The following CREB1 variants were observed in gnomAD, a reference collection of about 807,000 sequenced individuals.
CREB1 encodes cyclic AMP-responsive element-binding protein 1.
CREB1 carries 2 observed loss-of-function variants against 42.0 expected under a neutral mutation model. That is an observed-to-expected ratio of 0.05 (90% CI 0.02 to 0.15). The LOEUF (loss-of-function observed/expected upper bound fraction) is 0.15. Among genes scored for constraint, CREB1 ranks in the 10% least tolerant of loss-of-function variants. The pLI, the probability that CREB1 is intolerant of heterozygous loss-of-function variation, is 1.00. For synonymous variants in CREB1, 123 were observed against 139.9 expected (o/e 0.88, Z 0.85); for missense variants, 199 against 388.9 (o/e 0.51, Z 4.11).
chr2:207,548,270 G>T (rs2081372041), intron 1 of CREB1, among the ~76,000 whole-genome samples: 2 of 152,028 alleles, frequency 1.3e-5, no homozygotes, highest in South Asian at 4.2e-4. Flanking sequence ...CTTCCTTCAA[G>T]AACAATATCT....
At chr2:207,534,160 A>G (rs1228205569) in intron 1 of CREB1, among the ~76,000 whole-genome samples, 2 of 152,228 alleles carry the variant, frequency 1.3e-5, no homozygotes, top group Non-Finnish European at 2.9e-5. Context: ...GTGGGGGTTA[A>G]CTATAAAGTA....
chr2:207,552,711 T>C (rs1162256123), intron 1 of CREB1, among the ~76,000 whole-genome samples: 4 of 150,970 alleles, frequency 2.6e-5, no homozygotes, highest in Admixed American at 1.3e-4. Flanking sequence ...GTTCAAGCAA[T>C]TCTCCTGCCT....
intron 1 of CREB1, among the ~76,000 whole-genome samples, chr2:207,534,364 G>A (rs1025005998): frequency 2.6e-5 from 4 of 152,140 alleles, no homozygotes; most frequent in Non-Finnish European, 4.4e-5. Flanking sequence ...AGCCTCCCTA[G>A]TAGCTGGAAC....
intron 1 of CREB1, among the ~76,000 whole-genome samples, chr2:207,538,224 A>G (rs767797333): frequency 3.3e-5 from 5 of 151,822 alleles, no homozygotes; most frequent in Non-Finnish European, 2.9e-5. Flanking sequence ...GCTACCAGAA[A>G]GATGTTAGCT....
intron 3 of CREB1, among the ~76,000 whole-genome samples, chr2:207,564,031 A>T (rs1355503154): frequency 2.0e-5 from 3 of 152,164 alleles, no homozygotes; most frequent in Non-Finnish European, 4.4e-5. Context: ...TCTTTAAGAA[A>T]TATATAAATT....
chr2:207,540,725 T>C (rs571243091), intron 1 of CREB1, among the ~76,000 whole-genome samples: 62 of 150,630 alleles, frequency 4.1e-4, no homozygotes, highest in African/African-American at 1.4e-3. Flanking sequence ...CTTTTATTGC[T>C]TTACTTTATT....
chr2:207,546,257 G>C (rs572777247), intron 1 of CREB1, among the ~76,000 whole-genome samples: 61 of 152,204 alleles, frequency 4.0e-4, no homozygotes, highest in Non-Finnish European at 6.5e-4. Flanking sequence ...GGATGGACTT[G>C]ATGTTGATTC....
chr2:207,542,298 TATC>T (rs2081128346), intron 1 of CREB1, among the ~76,000 whole-genome samples: 2 of 152,334 alleles, frequency 1.3e-5, no homozygotes, highest in South Asian at 2.1e-4. Context: ...TAACACTTGT[TATC>T]ATCTGTTTTT....
In CREB1 at chr2:207,573,802, A is replaced by G. The variant is rs138781557; in HGVS notation, c.506-1470A>G. ...AAACTACAACCCAGTCTTGTCATAT[A>G]TGGTTTACTATTTCTTTCTTCTTCC... On this transcript the variant is annotated intron_variant, in intron 5 of 7. Coordinates refer to ENST00000353267, the MANE Select transcript of CREB1 (RefSeq NM_004379.5). Among the ~76,000 whole-genome samples the G allele has an allele frequency of 3.9e-3, 593 of 152,290 alleles. 2 individuals carry two copies. Among genetic ancestry groups the G allele is most frequent in the South Asian group, 0.011 (51 of 4,824 alleles).
At chr2:207,576,603 G>A in intron 6 of CREB1, 1 of 1,039,366 alleles carries the variant, frequency 9.6e-7, no homozygotes, top group South Asian at 1.4e-5. Flanking sequence ...ATTGATGAGA[G>A]TAAAACACCT....
intron 7 of CREB1, chr2:207,582,725 C>A: frequency 5.5e-6 from 1 of 183,112 alleles, no homozygotes; most frequent in Non-Finnish European, 1.2e-5. Context: ...GAAACCCTCT[C>A]TCTACTAAAA....
intron 6 of CREB1, 24 bp downstream of exon 6, chr2:207,575,478 G>A: frequency 6.4e-7 from 1 of 1,565,394 alleles, no homozygotes; most frequent in Non-Finnish European, 8.7e-7. Context: ...GAATTCACAG[G>A]TGTGGTAAAT....
intron 1 of CREB1, among the ~76,000 whole-genome samples, chr2:207,539,931 A>C (rs2081027743): frequency 6.6e-6 from 1 of 152,228 alleles, no homozygotes; most frequent in African/African-American, 2.4e-5. Flanking sequence ...ATTTTGAGGA[A>C]TGCTGAGTAT....
rs764354468 is a variant in CREB1 at position 207,549,515 on chromosome 2, C to T, written c.-8-6113C>T. ...TGATTCTTGGAAAGCTAAAATCTATCGTGTAGCACCTGAACATTATAACAC... is the reference window on the plus strand; with the variant it reads ...TGATTCTTGGAAAGCTAAAATCTATTGTGTAGCACCTGAACATTATAACAC... On this transcript the variant is annotated intron_variant, in intron 1 of 7. Transcript: ENST00000353267. Among the ~76,000 whole-genome samples, 6 of 152,088 alleles carry T rather than the reference C, an allele frequency of 3.9e-5. 1 individual carries two copies. Among genetic ancestry groups the T allele is most frequent in the African/African-American group, 1.2e-4 (5 of 41,408 alleles).
chr2:207,604,238 G>T lies in CREB1; in HGVS notation c.*7180G>T, dbSNP rs1236375310. On this transcript the variant is annotated 3_prime_UTR_variant, in exon 8 of 8. Transcript: ENST00000353267. ...CCATCCTTGAGAAGTCACATCCAAA[G>T]ATAAAATTCTGATCCATTTCTAGTT... is the stretch of plus-strand genomic sequence containing the variant. 6.6e-6 allele frequency among the ~76,000 whole-genome samples: 1 copy of T among 152,168 alleles called. No homozygotes were observed.
chr2:207,553,349 G>A (rs1032428011), intron 1 of CREB1, among the ~76,000 whole-genome samples: 19 of 152,038 alleles, frequency 1.2e-4, no homozygotes, highest in Admixed American at 9.8e-4. Context: ...GATTACAGGC[G>A]TGAGCCATCG....
At chr2:207,537,024 G>A (rs2080900741) in intron 1 of CREB1, among the ~76,000 whole-genome samples, 1 of 148,854 alleles carries the variant, frequency 6.7e-6, no homozygotes, top group Non-Finnish European at 1.5e-5. Context: ...ATTTGTACCT[G>A]CTAAATGATT....
intron 7 of CREB1, among the ~76,000 whole-genome samples, chr2:207,591,409 A>T (rs934340789): frequency 6.6e-6 from 1 of 152,140 alleles, no homozygotes; most frequent in Non-Finnish European, 1.5e-5. Flanking sequence ...ATACTAATAA[A>T]ACTACCCCAG....
intron 1 of CREB1, among the ~76,000 whole-genome samples, chr2:207,543,915 T>G (rs1256404169): frequency 1.3e-5 from 2 of 151,730 alleles, no homozygotes; most frequent in African/African-American, 2.4e-5. Flanking sequence ...AAATTTGTTT[T>G]TTTGTTTGTT....
Sources: allele counts gnomAD v4.1 joint callset (sites outside exome capture counted in the v4.1 genomes callset), GRCh38; gene constraint gnomAD v4.1.1; transcripts MANE v1.5; gene names NCBI Gene and HGNC (gene_info 2026-07-23, HGNC 2026-07-21).